Variants in ANKRD36B observed in about 807,000 individuals in gnomAD.
ANKRD36B encodes ankyrin repeat domain 36B.
ANKRD36B carries 37 observed loss-of-function variants against 135.7 expected under a neutral mutation model. That is an observed-to-expected ratio of 0.27 (90% CI 0.21 to 0.36). ANKRD36B has a LOEUF of 0.36. ANKRD36B is among the 10% of genes least tolerant of loss of function. The pLI is 1.00. For missense variants in ANKRD36B, 549 were observed against 1,037.1 expected, an observed-to-expected ratio of 0.53 and a Z score of 6.46; for synonymous variants, 179 against 348.1, an observed-to-expected ratio of 0.51 and a Z score of 5.41.
rs1404687596 is a variant in ANKRD36B, at chr2:97,532,959, T to C, written c.2192-575A>G. Among the ~76,000 whole-genome samples the C allele has an allele frequency of 3.3e-4, 31 of 94,856 alleles. 9 individuals are homozygous for C. The highest frequency in any genetic ancestry group is 9.5e-4 in the South Asian group (4 of 4,226). 62.2% of individuals were successfully genotyped at this position (94,856 alleles called of 152,430 possible). ...CATCAATGAACAAAACCATCAGAAA[T>C]AAGACAAAATGTAAAAATCCAATAG... On this transcript the variant is annotated intron_variant, in intron 34 of 43. Coordinates refer to ENST00000359901, the MANE Select transcript of ANKRD36B (RefSeq NM_001393939.1).
rs1342994866 is a variant in ANKRD36B at position 97,498,182 on chromosome 2, G to A, written c.*7-5327C>T. On this transcript the variant is annotated intron_variant, in intron 43 of 43. Coordinates refer to ENST00000359901, the MANE Select transcript of ANKRD36B (RefSeq NM_001393939.1). ...AATAACAAATGCCTATGGCAATTATGGGACTCAATCAAACAACCCAACTTT... is the reference window on the plus strand; with the variant it reads ...AATAACAAATGCCTATGGCAATTATAGGACTCAATCAAACAACCCAACTTT... 2.4e-5 allele frequency among the ~76,000 whole-genome samples: 2 copies of A among 83,280 alleles called. 1 individual carries two copies. The highest frequency in any genetic ancestry group is 9.4e-5 in the African/African-American group (2 of 21,242). The allele number at this position is 83,280 out of a possible 152,430, so 54.6% of individuals were successfully genotyped here. A position where few individuals can be genotyped will look rare whatever the true frequency, so the allele number is the denominator to read the frequency against.
chr2:97,525,388 C>G (rs368632293), intron 35 of ANKRD36B, among the ~76,000 whole-genome samples: 3 of 96,698 alleles, frequency 3.1e-5, no homozygotes, highest in South Asian at 4.6e-4. Flanking sequence ...AAATCACCAC[C>G]AGTCAGTAAG....
At chr2:97,587,796 C>T (rs1227371419) in intron 1 of ANKRD36B, among the ~76,000 whole-genome samples, 1 of 151,550 alleles carries the variant, frequency 6.6e-6, no homozygotes, top group Non-Finnish European at 1.5e-5. Context: ...TTTACCCTCA[C>T]AAACTTGTGG....
At chr2:97,586,128 C>A (rs2082968574) in intron 1 of ANKRD36B, among the ~76,000 whole-genome samples, 1 of 151,890 alleles carries the variant, frequency 6.6e-6, no homozygotes, top group Non-Finnish European at 1.5e-5. Context: ...ATATAATTGG[C>A]ACCTAAATGA....
chr2:97,545,969 T>A, intron 22 of ANKRD36B, 108 bp from the exon 23 acceptor site: 1 of 815,022 alleles, frequency 1.2e-6, no homozygotes, highest in Non-Finnish European at 2.0e-6. Flanking sequence ...TGTAATAGTG[T>A]AGGCTTTGAT....
chr2:97,575,656 T>C (rs1228388559), intron 6 of ANKRD36B, among the ~76,000 whole-genome samples: 2 of 147,722 alleles, frequency 1.4e-5, no homozygotes, highest in Non-Finnish European at 3.0e-5. Context: ...AAGATCCCTA[T>C]CAACTATTAT....
rs1195232293 is a variant in ANKRD36B at position 97,536,735 on chromosome 2, TA to T, written c.2090-240del. Among the ~76,000 whole-genome samples, 3 of 95,610 alleles carry T rather than the reference TA, an allele frequency of 3.1e-5. 1 individual carries two copies. The highest frequency in any genetic ancestry group is 2.8e-4 in the Admixed American group (3 of 10,810). 62.7% of individuals were successfully genotyped at this position (95,610 alleles called of 152,430 possible). A position where few individuals can be genotyped will look rare whatever the true frequency, so the allele number is the denominator to read the frequency against. ...TGAGATTATGCACCACATCTATTGC[TA>T]AAAAAAAGTGTTAATATCAATGTGG... On this transcript the variant is annotated intron_variant, in intron 32 of 43. Transcript: ENST00000359901.
chr2:97,516,465 C>A (rs371327195), intron 36 of ANKRD36B, among the ~76,000 whole-genome samples: 590 of 9,468 alleles, frequency 0.062, 6 homozygotes, highest in African/African-American at 0.13. Flanking sequence ...AAAACAGACA[C>A]AATACATTAA....
Position 97,525,287 on chromosome 2 carries a change from A to G in ANKRD36B, c.2266-1820T>C, listed in dbSNP as rs180912406. Among the ~76,000 whole-genome samples the G allele has an allele frequency of 4.8e-3, 464 of 96,912 alleles. 110 individuals are homozygous for G. The East Asian group carries it at 0.069, about 14-fold the overall frequency. The allele number at this position is 96,912 out of a possible 152,430, so 63.6% of individuals were successfully genotyped here. A position where few individuals can be genotyped will look rare whatever the true frequency, so the allele number is the denominator to read the frequency against. ...TATAAAGGCACTGTCACTTTAAAAGATTTTATCACTATATGAACAGTGTAC... is the reference window on the plus strand; with the variant it reads ...TATAAAGGCACTGTCACTTTAAAAGGTTTTATCACTATATGAACAGTGTAC... On this transcript the variant is annotated intron_variant, in intron 35 of 43. Transcript: ENST00000359901.
chr2:97,558,769 C>T (rs2080757757), intron 10 of ANKRD36B, 30 bp downstream of exon 10: 7 of 1,609,988 alleles, frequency 4.3e-6, no homozygotes, highest in Non-Finnish European at 5.9e-6. Flanking sequence ...CTTGACTGAA[C>T]ATGACATTAA....
chr2:97,557,456 A>T (rs1432345797), intron 10 of ANKRD36B, among the ~76,000 whole-genome samples: 1 of 151,818 alleles, frequency 6.6e-6, no homozygotes, highest in East Asian at 1.9e-4. Flanking sequence ...GGAGCAACTC[A>T]TACACCCAGG....
Position 97,568,276 on chromosome 2 carries a change from C to T in ANKRD36B, c.764-7416G>A, listed in dbSNP as rs1368968477. On this transcript the variant is annotated intron_variant, in intron 6 of 43. Transcript: ENST00000359901. ...TTACTGTACTTATTTTGTTGAAACACAACAGTTTCTCCACCTCTTCAGTTT... is the reference window on the plus strand; with the variant it reads ...TTACTGTACTTATTTTGTTGAAACATAACAGTTTCTCCACCTCTTCAGTTT... Among the ~76,000 whole-genome samples the T allele has an allele frequency of 3.3e-5, 5 of 152,138 alleles. No homozygotes were observed. In the South Asian group the frequency reaches 8.3e-4, roughly 25 times the overall value.
chr2:97,581,854 G>A (rs2082655766), intron 3 of ANKRD36B, among the ~76,000 whole-genome samples: 1 of 152,026 alleles, frequency 6.6e-6, no homozygotes, highest in South Asian at 2.1e-4. Context: ...CCAGGCTGGA[G>A]TGCAGTGGTG....
chr2:97,579,604 T>C (rs1317068845), intron 4 of ANKRD36B, among the ~76,000 whole-genome samples: 2 of 141,504 alleles, frequency 1.4e-5, no homozygotes, highest in African/African-American at 2.6e-5. Context: ...ATATAAAATA[T>C]ATATAGTATA....
chr2:97,572,503 A>C (rs1459682246), intron 6 of ANKRD36B, among the ~76,000 whole-genome samples: 1 of 130,762 alleles, frequency 7.6e-6, no homozygotes, highest in East Asian at 2.0e-4. Flanking sequence ...TTAATTTGAA[A>C]ATTTAAAAGA....
rs556121847 is a variant in ANKRD36B at position 97,543,894 on chromosome 2, C to T, written c.1711-32G>A. 161 of 193,158 alleles carry T rather than the reference C, an allele frequency of 8.3e-4. 22 individuals carry two copies. In the African/African-American group the frequency reaches 0.01, roughly 12 times the overall value. The allele number at this position is 193,158 out of a possible 1,614,324, so 12.0% of individuals were successfully genotyped here. On this transcript the variant is annotated intron_variant, in intron 25 of 43. Transcript: ENST00000359901. ...GGAATTTGAAACAAAATAATCAATA[C>T]ATAAACTATGTTTCATAGACCACAC...
intron 6 of ANKRD36B, among the ~76,000 whole-genome samples, chr2:97,565,911 G>A (rs2104828494): frequency 6.6e-6 from 1 of 151,310 alleles, no homozygotes; most frequent in East Asian, 1.9e-4. Context: ...ATGTACAGTG[G>A]CTTGTTCCTA....
At chr2:97,522,236 CA>C (rs1252163114) in intron 36 of ANKRD36B, among the ~76,000 whole-genome samples, 1 of 82,718 alleles carries the variant, frequency 1.2e-5, no homozygotes, top group African/African-American at 3.8e-5. Flanking sequence ...AAAGTCAACC[CA>C]AAAACTGGCA....
At chr2:97,586,910 A>C (rs1294017322) in intron 1 of ANKRD36B, among the ~76,000 whole-genome samples, 1 of 152,254 alleles carries the variant, frequency 6.6e-6, no homozygotes, top group Non-Finnish European at 1.5e-5. Context: ...ACAGTGGCTC[A>C]CACCTGTAAT....
Sources: allele counts gnomAD v4.1 joint callset (sites outside exome capture counted in the v4.1 genomes callset), GRCh38; gene constraint gnomAD v4.1.1; transcripts MANE v1.5; gene names NCBI Gene and HGNC (gene_info 2026-07-23, HGNC 2026-07-21).